The following ADGRL3 variants were observed in gnomAD, a reference collection of about 807,000 sequenced individuals.
The protein encoded by ADGRL3 is calcium-independent alpha-latrotoxin receptor 3.
In ADGRL3, 62 loss-of-function variants were observed where a neutral mutation model predicts 153.5. That is an observed-to-expected ratio of 0.40 (90% confidence interval 0.33 to 0.50). ADGRL3 has a LOEUF of 0.50. ADGRL3 is among the 20% of genes least tolerant of loss of function. ADGRL3 has a pLI of 0.47. For synonymous variants in ADGRL3, 710 were observed against 672.5 expected (o/e 1.06, Z -0.86); for missense variants, 1,641 against 1,859.4 (o/e 0.88, Z 2.16).
intron 19 of ADGRL3, among the ~76,000 whole-genome samples, chr4:61,986,942 T>C (rs372644209): frequency 2.6e-5 from 4 of 152,248 alleles, no homozygotes; most frequent in East Asian, 3.9e-4. Context: ...ACTTGAGAAG[T>C]TGAAGTGAAC....
intron 11 of ADGRL3, among the ~76,000 whole-genome samples, chr4:61,908,413 A>G (rs1312270538): frequency 6.6e-6 from 1 of 152,128 alleles, no homozygotes; most frequent in Admixed American, 6.5e-5. Flanking sequence ...GCTGGGCAAC[A>G]TGGTGAAACC....
At chr4:61,595,401 C>G (rs2098985017) in intron 5 of ADGRL3, among the ~76,000 whole-genome samples, 1 of 152,020 alleles carries the variant, frequency 6.6e-6, no homozygotes, top group Admixed American at 6.6e-5. Context: ...GGACTGGGCT[C>G]TTCACTTCAA....
At chr4:61,463,586 C>T (rs1040953995) in intron 2 of ADGRL3, among the ~76,000 whole-genome samples, 5 of 152,102 alleles carry the variant, frequency 3.3e-5, no homozygotes, top group African/African-American at 4.8e-5. Context: ...GACATAGAGC[C>T]AAACCATATC....
intron 6 of ADGRL3, among the ~76,000 whole-genome samples, chr4:61,691,921 A>G (rs2095546368): frequency 6.6e-6 from 1 of 152,176 alleles, no homozygotes; most frequent in Non-Finnish European, 1.5e-5. Flanking sequence ...CAAATTAATC[A>G]TTAAACACTA....
intron 2 of ADGRL3, among the ~76,000 whole-genome samples, chr4:61,457,892 A>AGATAGAT (rs1266892704): frequency 6.6e-6 from 1 of 151,564 alleles, no homozygotes; most frequent in Non-Finnish European, 1.5e-5. Flanking sequence ...ATAGATAGAT[A>AGATAGAT]GATAGATAGA....
At position 61,238,304 on chromosome 4, in the gene ADGRL3, G is replaced by T. The variant is rs75595637; in HGVS notation, c.-240+36539G>T. On this transcript the variant is annotated intron_variant, in intron 1 of 26. Transcript: ENST00000683033. ...TGGTACTACATTTTAACAAATTGAG[G>T]ATTCACTTAAGATACAAATATTTTG... Among the ~76,000 whole-genome samples the T allele has an allele frequency of 5.7e-3, 862 of 152,094 alleles. 20 individuals are homozygous for T. The East Asian group carries it at 0.076, about 13-fold the overall frequency.
At chr4:61,271,623 A>G (rs994265194) in intron 1 of ADGRL3, among the ~76,000 whole-genome samples, 2 of 152,054 alleles carry the variant, frequency 1.3e-5, no homozygotes, top group Non-Finnish European at 2.9e-5. Context: ...CCTAGAACTT[A>G]CTAGTTTATG....
intron 2 of ADGRL3, among the ~76,000 whole-genome samples, chr4:61,399,369 A>G (rs1197832464): frequency 4.0e-5 from 6 of 151,870 alleles, no homozygotes; most frequent in Non-Finnish European, 5.9e-5. Context: ...GTTAAGATAC[A>G]TCTTAAAAAC....
At chr4:61,855,032 A>T (rs2098246961) in intron 9 of ADGRL3, among the ~76,000 whole-genome samples, 1 of 152,206 alleles carries the variant, frequency 6.6e-6, no homozygotes, top group Admixed American at 6.5e-5. Context: ...AGCTAAGAAG[A>T]TATGACAACT....
In ADGRL3 at chr4:61,740,004, T is replaced by G. The variant is rs139451268; in HGVS notation, c.1399+6450T>G. On this transcript the variant is annotated intron_variant, in intron 8 of 26. Transcript: ENST00000683033. Reference sequence around the variant, plus strand: ...TATTTTTAGAAATGCATAATAGTTGTGTTCTCTTGAAAATACATTTTGTCT... The same window carrying G: ...TATTTTTAGAAATGCATAATAGTTGGGTTCTCTTGAAAATACATTTTGTCT... Among the ~76,000 whole-genome samples, 163 of 152,344 alleles carry G rather than the reference T, an allele frequency of 1.1e-3. 1 individual carries two copies. Among genetic ancestry groups the G allele is most frequent in the Non-Finnish European group, 2.0e-3 (134 of 68,032 alleles).
At chr4:61,870,953 A>G (rs2098440031) in intron 9 of ADGRL3, among the ~76,000 whole-genome samples, 2 of 152,172 alleles carry the variant, frequency 1.3e-5, no homozygotes, top group African/African-American at 2.4e-5. Flanking sequence ...TATATACCCA[A>G]GAGAAATTAA....
At position 62,031,590 on chromosome 4, in the gene ADGRL3, C is replaced by T; in HGVS notation, c.3571C>T (p.His1191Tyr). 1 of 1,607,778 alleles carries T rather than the reference C, an allele frequency of 6.2e-7. No individual in the cohort carries two copies. Among genetic ancestry groups the T allele is most frequent in the Non-Finnish European group, 8.5e-7 (1 of 1,175,780 alleles). Residue 1191 changes from histidine to tyrosine, a missense_variant, in exon 23 of 27, where the codon CAT becomes TAT. By Grantham distance (83) the His-to-Tyr change is moderately conservative (BLOSUM62 2). Transcript: ENST00000683033. ...ACAGGGAATGTTTATATTTATTTTCCATTGTGTCCTACAGAAGAAGGTAAG... is the reference window on the plus strand; with the variant it reads ...ACAGGGAATGTTTATATTTATTTTCTATTGTGTCCTACAGAAGAAGGTAAG... ...SLQGMFIFIF[H>Y]CVLQKKVRKE...
chr4:61,698,383 C>T (rs1477800965), intron 6 of ADGRL3, among the ~76,000 whole-genome samples: 2 of 151,970 alleles, frequency 1.3e-5, no homozygotes, highest in Non-Finnish European at 2.9e-5. Flanking sequence ...ACCCGGGAGG[C>T]AGAGCTTGCA....
intron 8 of ADGRL3, among the ~76,000 whole-genome samples, chr4:61,736,445 G>C (rs2096515205): frequency 6.6e-6 from 1 of 152,066 alleles, no homozygotes. Flanking sequence ...CTTGAGGTCA[G>C]GAGTTCAAAA....
At chr4:61,623,499 G>C (rs1162642164) in intron 5 of ADGRL3, among the ~76,000 whole-genome samples, 1 of 152,050 alleles carries the variant, frequency 6.6e-6, no homozygotes, top group Non-Finnish European at 1.5e-5. Flanking sequence ...TGTGAAGTTT[G>C]AATTTTAGGA....
At chr4:62,049,257 T>A (rs1171503531) in intron 25 of ADGRL3, among the ~76,000 whole-genome samples, 2 of 152,112 alleles carry the variant, frequency 1.3e-5, no homozygotes, top group African/African-American at 4.8e-5. Flanking sequence ...AATATTCAAT[T>A]TGAGTGGTAG....
chr4:61,998,303 T>C, intron 21 of ADGRL3, 38 bp downstream of exon 21: 2 of 1,042,038 alleles, frequency 1.9e-6, no homozygotes, highest in South Asian at 1.6e-5. Context: ...TAGGTTGTGT[T>C]ACATTTATAC....
intron 3 of ADGRL3, among the ~76,000 whole-genome samples, chr4:61,508,208 A>C (rs890382757): frequency 6.6e-6 from 1 of 152,196 alleles, no homozygotes; most frequent in East Asian, 1.9e-4. Context: ...AGGTATTTAC[A>C]TCACAGTATT....
intron 10 of ADGRL3, among the ~76,000 whole-genome samples, chr4:61,893,707 G>A (rs908156681): frequency 9.2e-6 from 1 of 109,288 alleles, no homozygotes. Context: ...ATATTTCTTT[G>A]CCTTTTTTTT....
Sources: allele counts gnomAD v4.1 joint callset (sites outside exome capture counted in the v4.1 genomes callset), GRCh38; gene constraint gnomAD v4.1.1; transcripts MANE v1.5; gene names NCBI Gene and HGNC (gene_info 2026-07-23, HGNC 2026-07-21).